GLIS3: variants seen among roughly 807,000 people sequenced by gnomAD.
The protein encoded by GLIS3 is GLIS family zinc finger 3.
In GLIS3, 53 loss-of-function variants were observed where a neutral mutation model predicts 78.6. The ratio of observed to expected loss-of-function variants is 0.67; its 90% CI spans 0.54 to 0.85. GLIS3 has a LOEUF of 0.85. GLIS3 is among the 40% of genes least tolerant of loss of function. The pLI, the probability that GLIS3 is intolerant of heterozygous loss-of-function variation, is 0.00. For missense variants in GLIS3, 1,703 were observed against 1,231.1 expected, an observed-to-expected ratio of 1.38 and a Z score of -5.74; for synonymous variants, 684 against 509.9, an observed-to-expected ratio of 1.34 and a Z score of -4.60.
chr9:4,361,957 C>G, the GLIS3 span, among the ~76,000 whole-genome samples: 1 of 152,196 alleles, frequency 6.6e-6, no homozygotes, highest in Non-Finnish European at 1.5e-5. Flanking sequence ...AGAAAATATG[C>G]AAGCAGTTTA....
intron 2 of GLIS3, among the ~76,000 whole-genome samples, chr9:4,346,336 A>G (rs1817896526): frequency 6.6e-6 from 1 of 152,190 alleles, no homozygotes; most frequent in African/African-American, 2.4e-5. Flanking sequence ...CAATACATAC[A>G]AAGCTTCATT....
chr9:3,939,255 G>C (rs986618734), intron 4 of GLIS3, among the ~76,000 whole-genome samples: 1 of 152,190 alleles, frequency 6.6e-6, no homozygotes, highest in African/African-American at 2.4e-5. Context: ...TTTAGAATAA[G>C]ATTAATGAGG....
chr9:4,040,285 G>A (rs549241250), intron 4 of GLIS3, among the ~76,000 whole-genome samples: 121 of 140,774 alleles, frequency 8.6e-4, no homozygotes, highest in Admixed American at 6.6e-3. Flanking sequence ...ACTTCACAAG[G>A]TAAAAAAAAC....
the GLIS3 span, among the ~76,000 whole-genome samples, chr9:4,379,874 G>C: frequency 6.6e-6 from 1 of 152,184 alleles, no homozygotes. Context: ...AAGAATAGGA[G>C]TGTATGTGTG....
Position 3,939,322 on chromosome 9 carries a change from G to A in GLIS3, c.1711-2133C>T, listed in dbSNP as rs972311469. On this transcript the variant is annotated intron_variant, in intron 4 of 10. Transcript: ENST00000381971. The stretch of plus-strand genomic sequence containing the variant: ...TAGTTCTACCATAGAGGGATTAGAA[G>A]GATCCAAGACATGTCTCTGATTAAT... 6.6e-5 allele frequency among the ~76,000 whole-genome samples: 10 copies of A among 152,284 alleles called. No individual in the cohort carries two copies. The South Asian group carries it at 1.5e-3, about 22-fold the overall frequency.
chr9:4,346,628 G>A (rs1817901227), intron 2 of GLIS3, among the ~76,000 whole-genome samples: 1 of 152,210 alleles, frequency 6.6e-6, no homozygotes, highest in South Asian at 2.1e-4. Flanking sequence ...AGCTTCTCTA[G>A]TAGGACTAAC....
chr9:4,427,559 G>A, the GLIS3 span, among the ~76,000 whole-genome samples: 1 of 152,082 alleles, frequency 6.6e-6, no homozygotes, highest in Non-Finnish European at 1.5e-5. Flanking sequence ...GCATACTTAC[G>A]TCAAATGGCA....
intron 2 of GLIS3, among the ~76,000 whole-genome samples, chr9:4,262,731 G>A (rs1825642328): frequency 6.6e-6 from 1 of 151,970 alleles, no homozygotes; most frequent in Non-Finnish European, 1.5e-5. Flanking sequence ...GAATTAGATG[G>A]GATTCTGCCA....
At chr9:4,102,270 G>C (rs806029) in intron 4 of GLIS3, among the ~76,000 whole-genome samples, 150,528 of 152,324 alleles carry the variant, frequency 0.99, 74,399 homozygotes, top group Middle Eastern at 1. Flanking sequence ...CCCCCATCAA[G>C]TAGTCATCAG....
chr9:3,950,269 C>T (rs543145122), intron 4 of GLIS3, among the ~76,000 whole-genome samples: 4 of 152,322 alleles, frequency 2.6e-5, no homozygotes, highest in Non-Finnish European at 5.9e-5. Context: ...CACTCTTGTC[C>T]TCACCCACCA....
the GLIS3 span, among the ~76,000 whole-genome samples, chr9:4,381,383 A>T: frequency 6.6e-6 from 1 of 152,324 alleles, no homozygotes; most frequent in Admixed American, 6.5e-5. Flanking sequence ...GTAGTTAAAG[A>T]GGGCTCTATG....
chr9:3,876,693 G>GGGAGGGGAAGGGA (rs143762391), intron 8 of GLIS3, among the ~76,000 whole-genome samples: 1 of 464 alleles, frequency 2.2e-3, no homozygotes, highest in Non-Finnish European at 3.4e-3. Context: ...AAGGGAGGGA[G>GGGAGGGGAAGGGA]GGGAGGGAGG....
chr9:4,203,612 C>G (rs927513319), intron 2 of GLIS3, among the ~76,000 whole-genome samples: 1 of 152,138 alleles, frequency 6.6e-6, no homozygotes, highest in Admixed American at 6.5e-5. Context: ...GGGTATATAT[C>G]CAAAAGAAAA....
At chr9:4,366,424 G>A in the GLIS3 span, among the ~76,000 whole-genome samples, 2 of 152,074 alleles carry the variant, frequency 1.3e-5, no homozygotes, top group Admixed American at 6.5e-5. Flanking sequence ...GAGGAAAGGA[G>A]GCCCACACCA....
chr9:4,218,482 G>A (rs1821049680), intron 2 of GLIS3, among the ~76,000 whole-genome samples: 2 of 152,170 alleles, frequency 1.3e-5, no homozygotes, highest in Non-Finnish European at 2.9e-5. Context: ...GTTTCACTGT[G>A]TTAGCCAGGA....
chr9:3,955,866 A>G (rs1012425081), intron 4 of GLIS3, among the ~76,000 whole-genome samples: 5 of 152,222 alleles, frequency 3.3e-5, no homozygotes, highest in Admixed American at 2.6e-4. Flanking sequence ...AAAATCTGGG[A>G]GAAGAAAGAG....
intron 2 of GLIS3, among the ~76,000 whole-genome samples, chr9:4,279,986 TA>T (rs528923938): frequency 6.6e-6 from 1 of 152,036 alleles, no homozygotes; most frequent in African/African-American, 2.4e-5. Context: ...TAGAATGAAA[TA>T]AAAAATAATA....
intron 2 of GLIS3, among the ~76,000 whole-genome samples, chr9:4,234,421 A>T (rs910988490): frequency 5.9e-5 from 9 of 152,196 alleles, no homozygotes; most frequent in African/African-American, 2.2e-4. Flanking sequence ...GGAGAGAGAT[A>T]GGGAATGGGC....
intron 2 of GLIS3, among the ~76,000 whole-genome samples, chr9:4,311,200 G>A (rs561623948): frequency 1.1e-4 from 17 of 152,250 alleles, no homozygotes; most frequent in Non-Finnish European, 2.1e-4. Context: ...CTTGAGCCCC[G>A]GAGTTCAAGA....
Sources: allele counts gnomAD v4.1 joint callset (sites outside exome capture counted in the v4.1 genomes callset), GRCh38; gene constraint gnomAD v4.1.1; transcripts MANE v1.5; gene names NCBI Gene and HGNC (gene_info 2026-07-23, HGNC 2026-07-21).